The following SERGEF variants were observed in gnomAD, a reference collection of about 807,000 sequenced individuals.
SERGEF encodes secretion-regulating guanine nucleotide exchange factor.
In SERGEF, 51 loss-of-function variants were observed where a neutral mutation model predicts 50.0. That is an observed-to-expected ratio of 1.02 (90% CI 0.81 to 1.29). The LOEUF is 1.29. SERGEF is among the 50% of genes most tolerant of loss of function. The pLI, the probability that SERGEF is intolerant of heterozygous loss-of-function variation, is 0.00. For synonymous variants in SERGEF, 205 were observed against 212.4 expected (o/e 0.97, Z 0.30); for missense variants, 521 against 557.0 (o/e 0.94, Z 0.65).
At chr11:17,915,736 C>T (rs1418601624) in intron 9 of SERGEF, among the ~76,000 whole-genome samples, 4 of 152,234 alleles carry the variant, frequency 2.6e-5, no homozygotes, top group Non-Finnish European at 5.9e-5. Flanking sequence ...GCAAGGCATG[C>T]AGACAGGATC....
chr11:17,848,000 A>G (rs953681895), intron 10 of SERGEF, among the ~76,000 whole-genome samples: 1 of 152,262 alleles, frequency 6.6e-6, no homozygotes, highest in Non-Finnish European at 1.5e-5. Flanking sequence ...AGCACAATGC[A>G]TAGTCATTAT....
chr11:17,930,923 A>T (rs1438348354), intron 9 of SERGEF, among the ~76,000 whole-genome samples: 1 of 152,176 alleles, frequency 6.6e-6, no homozygotes, highest in Non-Finnish European at 1.5e-5. Flanking sequence ...AATCACGCAC[A>T]CCACTGAGCT....
chr11:17,960,441 C>T (rs1477349504), intron 8 of SERGEF, among the ~76,000 whole-genome samples: 3 of 152,176 alleles, frequency 2.0e-5, no homozygotes, highest in Non-Finnish European at 4.4e-5. Context: ...GTTATTTCAA[C>T]AGAAATGCAA....
chr11:17,794,808 A>T (rs539336600), intron 10 of SERGEF, among the ~76,000 whole-genome samples: 29 of 152,360 alleles, frequency 1.9e-4, no homozygotes, highest in Admixed American at 1.2e-3. Context: ...TCTAGCAAAA[A>T]CGTTGCTTCC....
At chr11:17,885,645 T>G (rs1244047886) in intron 9 of SERGEF, among the ~76,000 whole-genome samples, 6 of 151,782 alleles carry the variant, frequency 4.0e-5, no homozygotes, top group Admixed American at 2.0e-4. Flanking sequence ...GATTTTTTTT[T>G]TAATTAAAGT....
At chr11:17,928,652 G>C (rs1852294539) in intron 9 of SERGEF, among the ~76,000 whole-genome samples, 1 of 151,966 alleles carries the variant, frequency 6.6e-6, no homozygotes, top group Admixed American at 6.6e-5. Flanking sequence ...AAGAAACAAG[G>C]ACCAAAGATC....
intron 10 of SERGEF, among the ~76,000 whole-genome samples, chr11:17,838,087 A>G (rs1223178219): frequency 6.6e-6 from 1 of 152,240 alleles, no homozygotes; most frequent in East Asian, 1.9e-4. Context: ...CCTGGGTGCC[A>G]TATGTGGCCT....
At chr11:17,959,358 T>G (rs975756262) in intron 9 of SERGEF, 112 bp downstream of exon 9, 2 of 964,026 alleles carry the variant, frequency 2.1e-6, no homozygotes, top group South Asian at 3.4e-5. Context: ...CCTCTTCTGA[T>G]TCCTACATGG....
At chr11:17,846,726 C>T (rs1850618920) in intron 10 of SERGEF, 1 of 456,074 alleles carries the variant, frequency 2.2e-6, no homozygotes, top group Non-Finnish European at 4.4e-6. Flanking sequence ...TCCACATCAG[C>T]AAAACTGGGA....
intron 9 of SERGEF, among the ~76,000 whole-genome samples, chr11:17,920,481 A>C (rs1320433432): frequency 6.6e-6 from 1 of 152,244 alleles, no homozygotes; most frequent in Non-Finnish European, 1.5e-5. Flanking sequence ...GCTGGCACAT[A>C]ACTGTGCTCA....
At chr11:17,947,539 G>A (rs1852686275) in intron 9 of SERGEF, among the ~76,000 whole-genome samples, 1 of 152,208 alleles carries the variant, frequency 6.6e-6, no homozygotes, top group African/African-American at 2.4e-5. Flanking sequence ...ACTAGTTTGT[G>A]CCCAGACACC....
intron 9 of SERGEF, among the ~76,000 whole-genome samples, chr11:17,901,666 C>T (rs543318860): frequency 5.3e-5 from 8 of 152,212 alleles, no homozygotes; most frequent in Non-Finnish European, 8.8e-5. Flanking sequence ...TCACACTCAG[C>T]GGAATCCAAC....
chr11:17,872,992 C>G (rs937496376), intron 10 of SERGEF, among the ~76,000 whole-genome samples: 1 of 152,128 alleles, frequency 6.6e-6, no homozygotes, highest in Non-Finnish European at 1.5e-5. Flanking sequence ...AAACTAGTAA[C>G]AGGCATTACC....
intron 3 of SERGEF, among the ~76,000 whole-genome samples, chr11:18,005,985 A>G (rs542434537): frequency 6.6e-6 from 1 of 152,358 alleles, no homozygotes; most frequent in Admixed American, 6.5e-5. Context: ...GCACACAGCT[A>G]TCATGAACTT....
chr11:17,934,652 G>A (rs1852415984), intron 9 of SERGEF, among the ~76,000 whole-genome samples: 1 of 152,100 alleles, frequency 6.6e-6, no homozygotes, highest in African/African-American at 2.4e-5. Context: ...CAGATCTCTA[G>A]GCTTCAGGCT....
At chr11:18,005,599 A>C (rs535277551) in intron 3 of SERGEF, among the ~76,000 whole-genome samples, 1 of 152,292 alleles carries the variant, frequency 6.6e-6, no homozygotes, top group South Asian at 2.1e-4. Context: ...GCCCTTGCCA[A>C]AGGACCGTGG....
chr11:17,824,034 G>A (rs1850134504), intron 10 of SERGEF, among the ~76,000 whole-genome samples: 2 of 152,196 alleles, frequency 1.3e-5, no homozygotes, highest in South Asian at 4.1e-4. Flanking sequence ...GGGCGCGGTG[G>A]CTCATGCCTG....
At chr11:17,996,945 G>C (rs1313395728) in intron 5 of SERGEF, among the ~76,000 whole-genome samples, 1 of 152,180 alleles carries the variant, frequency 6.6e-6, no homozygotes, top group Non-Finnish European at 1.5e-5. Context: ...AATGGGCAAA[G>C]ATGTAATCCC....
At chr11:17,891,339 T>C (rs1248956898) in intron 9 of SERGEF, among the ~76,000 whole-genome samples, 1 of 152,188 alleles carries the variant, frequency 6.6e-6, no homozygotes, top group African/African-American at 2.4e-5. Flanking sequence ...CAATGTGACA[T>C]AGCCTCTCAA....
Sources: gnomAD v4.1 joint callset for allele counts (sites outside exome capture counted in the v4.1 genomes callset) on GRCh38, gnomAD v4.1.1 for gene constraint, MANE v1.5 for transcripts, NCBI Gene and HGNC (gene_info 2026-07-23, HGNC 2026-07-21) for gene names.